MEMO1: variants seen among roughly 807,000 people sequenced by gnomAD.
The protein encoded by MEMO1 is protein MEMO1.
Under a neutral mutation model 45.2 loss-of-function variants are expected in MEMO1, and 6 were observed. That is an observed-to-expected ratio of 0.13 (90% CI 0.07 to 0.26). The LOEUF (loss-of-function observed/expected upper bound fraction) is 0.26. Among genes scored for constraint, MEMO1 ranks in the 10% least tolerant of loss-of-function variants. The pLI is 1.00. For synonymous variants in MEMO1, 78 were observed against 124.3 expected, an observed-to-expected ratio of 0.63 and a Z score of 2.48; for missense variants, 184 against 370.5, an observed-to-expected ratio of 0.50 and a Z score of 4.13.
intron 1 of MEMO1, chr2:32,010,491 C>T: frequency 3.0e-6 from 1 of 333,140 alleles, no homozygotes; most frequent in Non-Finnish European, 5.7e-6. Flanking sequence ...CGGCGACCGC[C>T]GGAAGATGGG....
intron 6 of MEMO1, among the ~76,000 whole-genome samples, chr2:31,896,355 G>A (rs192447912): frequency 6.6e-6 from 1 of 152,088 alleles, no homozygotes. Context: ...TCTAGAACAG[G>A]GGTTAGCAAA....
At position 31,995,739 on chromosome 2, in the gene MEMO1, A is replaced by C. The variant is rs948775412; in HGVS notation, c.61+14448T>G. ...CTCAAGGAGGTAATAATAAAGATGA[A>C]AAATTTCCAAATTTTCTGAAAACTA... is the stretch of plus-strand genomic sequence containing the variant. On this transcript the variant is annotated intron_variant, in intron 2 of 9. Transcript: ENST00000404530. Among the ~76,000 whole-genome samples the C allele has an allele frequency of 3.9e-5, 6 of 152,226 alleles. No individual in the cohort carries two copies. In the East Asian group the frequency reaches 1.2e-3, roughly 29 times the overall value.
chr2:31,986,401 GGCGGAGCTT>G (rs1455317886), intron 2 of MEMO1, among the ~76,000 whole-genome samples: 1 of 152,134 alleles, frequency 6.6e-6, no homozygotes, highest in African/African-American at 2.4e-5. Flanking sequence ...GAACCCGGAA[GGCGGAGCTT>G]GCAGTGAGCC....
intron 2 of MEMO1, among the ~76,000 whole-genome samples, chr2:32,006,433 A>G (rs1235367484): frequency 6.6e-6 from 1 of 152,154 alleles, no homozygotes; most frequent in Admixed American, 6.5e-5. Context: ...ACTAACCTAC[A>G]CTGGCTAGGG....
At chr2:31,979,093 G>A (rs13034714) in intron 2 of MEMO1, among the ~76,000 whole-genome samples, 14,816 of 152,202 alleles carry the variant, frequency 0.097, 774 homozygotes, top group Middle Eastern at 0.19. Flanking sequence ...AGAAGGTGAG[G>A]GGGAAGCAAG....
chr2:31,924,064 G>T (rs1682724776), intron 4 of MEMO1, among the ~76,000 whole-genome samples: 1 of 151,234 alleles, frequency 6.6e-6, no homozygotes, highest in Admixed American at 6.6e-5. Context: ...TTGATTAAAA[G>T]AAATAATAAG....
intron 2 of MEMO1, among the ~76,000 whole-genome samples, chr2:31,998,016 A>G (rs915844052): frequency 2.6e-5 from 4 of 152,120 alleles, no homozygotes; most frequent in African/African-American, 9.7e-5. Context: ...TTCAACTTAA[A>G]GCTTTTTTTT....
intron 2 of MEMO1, among the ~76,000 whole-genome samples, chr2:31,947,887 T>C (rs982598928): frequency 6.6e-6 from 1 of 152,200 alleles, no homozygotes; most frequent in African/African-American, 2.4e-5. Context: ...AATAAGCTAA[T>C]GAACTAAGCC....
chr2:31,901,868 CA>C (rs1558489130), intron 6 of MEMO1, among the ~76,000 whole-genome samples: 1 of 151,574 alleles, frequency 6.6e-6, no homozygotes, highest in Non-Finnish European at 1.5e-5. Flanking sequence ...AAGATTACAC[CA>C]CTGCACTCCA....
Position 31,963,082 on chromosome 2 carries a change from A to C in MEMO1, c.62-19699T>G, listed in dbSNP as rs879654622. 23 of 1,367,972 alleles carry C rather than the reference A, an allele frequency of 1.7e-5. No individual in the cohort carries two copies. The Admixed American group carries it at 5.8e-4, about 34-fold the overall frequency. 84.7% of individuals were successfully genotyped at this position (1,367,972 alleles called of 1,614,324 possible). On this transcript the variant is annotated intron_variant, in intron 2 of 9. Transcript: ENST00000404530. ...CAAACTGAAATACTGGCTCTTCCTA[A>C]GTCTTGAGTCAACCAACCCATCCTC...
chr2:31,986,625 A>G (rs1223966247), intron 2 of MEMO1, among the ~76,000 whole-genome samples: 1 of 152,176 alleles, frequency 6.6e-6, no homozygotes, highest in Non-Finnish European at 1.5e-5. Flanking sequence ...AAGTACCAGG[A>G]CTGTTTCTGA....
chr2:31,936,906 T>A (rs1664982227), intron 3 of MEMO1, among the ~76,000 whole-genome samples: 1 of 152,200 alleles, frequency 6.6e-6, no homozygotes, highest in Non-Finnish European at 1.5e-5. Context: ...TTGAACTAGA[T>A]GAAATGAGAA....
intron 3 of MEMO1, among the ~76,000 whole-genome samples, chr2:31,935,286 G>A (rs1299620837): frequency 1.3e-5 from 2 of 152,102 alleles, no homozygotes; most frequent in East Asian, 3.9e-4. Context: ...AGGAGTCTGT[G>A]GCATAGGAAA....
intron 2 of MEMO1, among the ~76,000 whole-genome samples, chr2:31,963,761 T>C (rs1199203054): frequency 6.6e-6 from 1 of 152,102 alleles, no homozygotes; most frequent in Non-Finnish European, 1.5e-5. Context: ...TTTCCTGACA[T>C]AAAAACAAAA....
chr2:31,926,958 A>G (rs1456839054), intron 4 of MEMO1, among the ~76,000 whole-genome samples: 1 of 152,254 alleles, frequency 6.6e-6, no homozygotes, highest in African/African-American at 2.4e-5. Flanking sequence ...AAAATTTTCC[A>G]AATGCTCCAC....
At chr2:31,984,511 G>C (rs980190205) in intron 2 of MEMO1, among the ~76,000 whole-genome samples, 6 of 152,170 alleles carry the variant, frequency 3.9e-5, no homozygotes, top group African/African-American at 1.4e-4. Context: ...TCCTAGAACA[G>C]AGAAAGGACA....
chr2:31,946,287 G>A (rs1572768385), intron 2 of MEMO1, among the ~76,000 whole-genome samples: 1 of 151,986 alleles, frequency 6.6e-6, no homozygotes, highest in Non-Finnish European at 1.5e-5. Context: ...AACATGCACT[G>A]AAATTAAGCA....
chr2:31,909,204 A>G (rs375931267), intron 6 of MEMO1, among the ~76,000 whole-genome samples: 2 of 152,354 alleles, frequency 1.3e-5, no homozygotes, highest in South Asian at 2.1e-4. Context: ...CTGGAACAAG[A>G]TAAGGATGCC....
chr2:31,911,872 T>A (rs1680614812), intron 6 of MEMO1, among the ~76,000 whole-genome samples: 1 of 151,928 alleles, frequency 6.6e-6, no homozygotes, highest in Non-Finnish European at 1.5e-5. Context: ...AACTCCTGGG[T>A]TCAAGAAATC....
Sources: gnomAD v4.1 joint callset for allele counts (sites outside exome capture counted in the v4.1 genomes callset) on GRCh38, gnomAD v4.1.1 for gene constraint, MANE v1.5 for transcripts, NCBI Gene and HGNC (gene_info 2026-07-23, HGNC 2026-07-21) for gene names.